MEGF9: variants seen among roughly 807,000 people sequenced by gnomAD.
The protein encoded by MEGF9 is multiple epidermal growth factor-like domains protein 9.
Under a neutral mutation model 46.8 loss-of-function variants are expected in MEGF9, and 6 were observed. The observed-to-expected ratio is 0.13, with a 90% confidence interval of 0.07 to 0.25. MEGF9 has a LOEUF of 0.25. MEGF9 is among the 10% of genes least tolerant of loss of function. The pLI, the probability that MEGF9 is intolerant of heterozygous loss-of-function variation, is 1.00. For missense variants in MEGF9, 683 were observed against 792.4 expected, an observed-to-expected ratio of 0.86 and a Z score of 1.66; for synonymous variants, 302 against 330.7, an observed-to-expected ratio of 0.91 and a Z score of 0.94.
chr9:120,624,393 A>G (rs1274613027), intron 2 of MEGF9, among the ~76,000 whole-genome samples: 2 of 151,906 alleles, frequency 1.3e-5, no homozygotes, highest in African/African-American at 2.4e-5. Flanking sequence ...ACATCCGGCT[A>G]ATTTTTGTAT....
chr9:120,682,167 A>T (rs1382622915), intron 1 of MEGF9, among the ~76,000 whole-genome samples: 3 of 152,232 alleles, frequency 2.0e-5, no homozygotes, highest in Non-Finnish European at 4.4e-5. Flanking sequence ...AAAAACTAAA[A>T]GGGATCATCA....
chr9:120,619,578 A>G (rs559953045), intron 3 of MEGF9, among the ~76,000 whole-genome samples: 20 of 152,356 alleles, frequency 1.3e-4, no homozygotes, highest in Non-Finnish European at 1.8e-4. Context: ...TGTGTTTTTA[A>G]TAATATACTG....
At chr9:120,664,499 G>A (rs1306861601) in intron 1 of MEGF9, among the ~76,000 whole-genome samples, 1 of 152,106 alleles carries the variant, frequency 6.6e-6, no homozygotes, top group Non-Finnish European at 1.5e-5. Context: ...AAATAACTAT[G>A]TCCTCAGTCA....
chr9:120,703,684 G>C (rs1276906626), intron 1 of MEGF9, among the ~76,000 whole-genome samples: 3 of 152,160 alleles, frequency 2.0e-5, no homozygotes, highest in Admixed American at 6.5e-5. Flanking sequence ...ATTCCAAAGA[G>C]ATTCTGGGCC....
chr9:120,685,422 T>C (rs916823717), intron 1 of MEGF9, among the ~76,000 whole-genome samples: 2 of 152,210 alleles, frequency 1.3e-5, no homozygotes, highest in Admixed American at 1.3e-4. Flanking sequence ...AAAGAAATAA[T>C]TTGGCTCCCT....
intron 1 of MEGF9, among the ~76,000 whole-genome samples, chr9:120,702,313 G>C (rs1389838391): frequency 6.6e-6 from 1 of 152,142 alleles, no homozygotes; most frequent in Non-Finnish European, 1.5e-5. Flanking sequence ...AGAAATTATA[G>C]TTAAGTGGCC....
intron 2 of MEGF9, among the ~76,000 whole-genome samples, chr9:120,657,414 C>T (rs1441130640): frequency 6.6e-6 from 1 of 152,216 alleles, no homozygotes; most frequent in Non-Finnish European, 1.5e-5. Flanking sequence ...ACATAAATAT[C>T]AGTATTACTG....
intron 4 of MEGF9, among the ~76,000 whole-genome samples, chr9:120,610,369 C>T (rs570226050): frequency 6.6e-6 from 1 of 152,264 alleles, no homozygotes; most frequent in South Asian, 2.1e-4. Flanking sequence ...GCCTTTCATG[C>T]CTGTCATGGG....
intron 1 of MEGF9, among the ~76,000 whole-genome samples, chr9:120,711,501 G>C (rs569237629): frequency 6.6e-6 from 1 of 152,270 alleles, no homozygotes; most frequent in Admixed American, 6.5e-5. Context: ...ATTGCTAACA[G>C]TAGTAACCTC....
intron 3 of MEGF9, among the ~76,000 whole-genome samples, chr9:120,621,116 T>C (rs546418250): frequency 1.8e-4 from 27 of 152,308 alleles, no homozygotes; most frequent in Non-Finnish European, 3.5e-4. Context: ...TGGCTTTAGT[T>C]TTTAATGGTT....
At chr9:120,657,725 C>T (rs770230736) in intron 2 of MEGF9, among the ~76,000 whole-genome samples, 4 of 152,020 alleles carry the variant, frequency 2.6e-5, no homozygotes, top group Non-Finnish European at 5.9e-5. Context: ...TATTCTCAAT[C>T]TCAAAGAATA....
intron 2 of MEGF9, among the ~76,000 whole-genome samples, chr9:120,637,790 CAAAAAAAAAAAAAAAA>C (rs34861368): frequency 1.2e-4 from 4 of 34,776 alleles, no homozygotes; most frequent in Non-Finnish European, 2.0e-4. Context: ...GACTCTGTCT[CAAAAAAAAAAAAAAAA>C]AAAAAAAAAA....
At chr9:120,673,834 G>C (rs530146407) in intron 1 of MEGF9, among the ~76,000 whole-genome samples, 2 of 152,160 alleles carry the variant, frequency 1.3e-5, no homozygotes, top group East Asian at 1.9e-4. Flanking sequence ...GCTGGGCGCG[G>C]TGGCAGGCAC....
chr9:120,611,867 G>GGA (rs1333169277), intron 4 of MEGF9, among the ~76,000 whole-genome samples: 9 of 139,032 alleles, frequency 6.5e-5, no homozygotes, highest in African/African-American at 2.9e-4. Context: ...AAGGAAGAAA[G>GGA]AGAGAGAGAG....
rs1028192147 is a variant in MEGF9 at position 120,604,948 on chromosome 9, T to C, written c.*242A>G. ...GGGGTTCAGCCTTTCCATACTCCCA[T>C]GTGGTTTGGTACAAAAATATACTTT... On this transcript the variant is annotated 3_prime_UTR_variant, in exon 6 of 6. Coordinates refer to ENST00000373930, the MANE Select transcript of MEGF9 (RefSeq NM_001080497.3). 1.2e-5 allele frequency: 6 copies of C among 509,172 alleles called. No homozygotes were observed. The highest frequency in any genetic ancestry group is 9.9e-5 in the South Asian group (4 of 40,280). The allele number at this position is 509,172 out of a possible 1,614,324, so 31.5% of individuals were successfully genotyped here.
intron 1 of MEGF9, among the ~76,000 whole-genome samples, chr9:120,680,603 C>T (rs2043794448): frequency 6.6e-6 from 1 of 152,084 alleles, no homozygotes; most frequent in African/African-American, 2.4e-5. Context: ...TGGATCTCTC[C>T]CAAGGCCCTT....
Position 120,612,320 on chromosome 9 carries a change from T to A in MEGF9, c.1087+76A>T, listed in dbSNP as rs2043451103. On this transcript the variant is annotated intron_variant, in intron 4 of 5. Coordinates refer to ENST00000373930, the MANE Select transcript of MEGF9 (RefSeq NM_001080497.3). The stretch of plus-strand genomic sequence containing the variant: ...TCACCTATAGCATCCAGAACTTTAT[T>A]CATCAATGCAACTTATACCTATTGA... 17 of 1,409,354 alleles carry A rather than the reference T, an allele frequency of 1.2e-5. No homozygotes were observed. The Admixed American group carries it at 1.6e-4, about 13-fold the overall frequency. 87.3% of individuals were successfully genotyped at this position (1,409,354 alleles called of 1,614,324 possible).
At chr9:120,609,099 C>T (rs775177684) in intron 4 of MEGF9, among the ~76,000 whole-genome samples, 3 of 152,106 alleles carry the variant, frequency 2.0e-5, no homozygotes, top group Non-Finnish European at 2.9e-5. Flanking sequence ...TAAGTGAAAA[C>T]GTAATAGAAT....
chr9:120,618,485 T>C (rs2043482022), intron 3 of MEGF9, among the ~76,000 whole-genome samples: 1 of 152,146 alleles, frequency 6.6e-6, no homozygotes, highest in African/African-American at 2.4e-5. Flanking sequence ...GAACATGAAG[T>C]TCCAGTTTTA....
Sources: allele counts gnomAD v4.1 joint callset (sites outside exome capture counted in the v4.1 genomes callset), GRCh38; gene constraint gnomAD v4.1.1; transcripts MANE v1.5; gene names NCBI Gene and HGNC (gene_info 2026-07-23, HGNC 2026-07-21).